Variants in GM2A observed in about 807,000 individuals in gnomAD.
GM2A encodes GM2 ganglioside activator.
GM2A carries 7 observed loss-of-function variants against 12.9 expected under a neutral mutation model. The observed-to-expected ratio is 0.54, with a 90% CI of 0.31 to 1.02. The LOEUF (loss-of-function observed/expected upper bound fraction) is 1.02, where lower values mean the gene tolerates loss of function less well. Ranked by LOEUF, GM2A falls within the 50% of genes least tolerant of loss-of-function variation. GM2A has a pLI of 0.05. For synonymous variants in GM2A, 101 were observed against 96.0 expected (o/e 1.05, Z -0.30); for missense variants, 246 against 241.0 (o/e 1.02, Z -0.14).
chr5:151,258,030 C>A (rs1394019609), intron 1 of GM2A, among the ~76,000 whole-genome samples: 4 of 152,346 alleles, frequency 2.6e-5, no homozygotes, highest in African/African-American at 9.6e-5. Flanking sequence ...CAGCACTTAG[C>A]CCAGGGCCTA....
In GM2A at chr5:151,259,917, G is replaced by A. The variant is rs1479641621; in HGVS notation, c.243+1G>A. On this transcript the variant is annotated splice_donor_variant, in intron 2 of 3. Coordinates refer to ENST00000357164, the MANE Select transcript of GM2A (RefSeq NM_000405.5). LOFTEE classifies it high-confidence loss of function. ...TGTCCCCCTGAGTTCTCCTCTGAAGGTGAGCCTGGGGGTGGGTGGAGAAGG... is the reference window on the plus strand; with the variant it reads ...TGTCCCCCTGAGTTCTCCTCTGAAGATGAGCCTGGGGGTGGGTGGAGAAGG... 1 of 1,612,734 alleles carries A rather than the reference G, an allele frequency of 6.2e-7. No individual in the cohort carries two copies. The highest frequency in any genetic ancestry group is 2.2e-5 in the East Asian group (1 of 44,860).
At chr5:151,264,215 C>T (rs1381063014) in intron 2 of GM2A, among the ~76,000 whole-genome samples, 1 of 152,244 alleles carries the variant, frequency 6.6e-6, no homozygotes, top group Non-Finnish European at 1.5e-5. Flanking sequence ...CTCCACCCTG[C>T]TTCCTTTTCT....
In GM2A at chr5:151,267,541, G is replaced by GC. The variant is rs1164916817; in HGVS notation, c.*96dup. On this transcript the variant is annotated 3_prime_UTR_variant, in exon 4 of 4. Coordinates refer to ENST00000357164, the MANE Select transcript of GM2A (RefSeq NM_000405.5). The stretch of plus-strand genomic sequence containing the variant: ...TGCCAAGGCCAAACTCCCACTCTCT[G>GC]CCCCCCTTTAATCCCCTTTCTACAG... 6 of 1,587,664 alleles carry GC rather than the reference G, an allele frequency of 3.8e-6. No individual in the cohort carries two copies. In the Admixed American group the frequency reaches 5.4e-5, roughly 14 times the overall value.
At chr5:151,265,124 G>T (rs1466518714) in intron 2 of GM2A, among the ~76,000 whole-genome samples, 1 of 152,148 alleles carries the variant, frequency 6.6e-6, no homozygotes, top group Non-Finnish European at 1.5e-5. Flanking sequence ...GTAGAAGCAG[G>T]TTTGATGAGA....
intron 2 of GM2A, among the ~76,000 whole-genome samples, chr5:151,262,263 A>G (rs1264840167): frequency 6.6e-6 from 1 of 152,208 alleles, no homozygotes; most frequent in Admixed American, 6.5e-5. Context: ...ATGCTCCTCT[A>G]TGCCCTTCAG....
At position 151,267,879 on chromosome 5, in the gene GM2A, G is replaced by T; in HGVS notation, c.*428G>T. The T allele has an allele frequency of 8.7e-7, 1 of 1,148,598 alleles. No homozygotes were observed. Among genetic ancestry groups the T allele is most frequent in the Non-Finnish European group, 1.1e-6 (1 of 922,974 alleles). 71.2% of individuals were successfully genotyped at this position (1,148,598 alleles called of 1,614,324 possible). On this transcript the variant is annotated 3_prime_UTR_variant, in exon 4 of 4. Coordinates refer to ENST00000357164, the MANE Select transcript of GM2A (RefSeq NM_000405.5). Reference sequence around the variant, plus strand: ...GTATTAACGTTTTTGTTCTCCTCCGGCCCCCTGTTACAATGAAGGGGCAAA... The same window carrying T: ...GTATTAACGTTTTTGTTCTCCTCCGTCCCCCTGTTACAATGAAGGGGCAAA...
At chr5:151,259,367 A>G (rs919520763) in intron 1 of GM2A, among the ~76,000 whole-genome samples, 21 of 152,310 alleles carry the variant, frequency 1.4e-4, no homozygotes, top group African/African-American at 4.6e-4. Context: ...TGAATCCTCC[A>G]GGAGCTTGCC....
chr5:151,260,554 G>T (rs1293448868), intron 2 of GM2A, among the ~76,000 whole-genome samples: 2 of 152,178 alleles, frequency 1.3e-5, no homozygotes, highest in East Asian at 3.8e-4. Flanking sequence ...AGAGGCAGAG[G>T]TTGCAGAAAG....
Position 151,268,971 on chromosome 5 carries a change from G to A in GM2A, c.*1520G>A. ...GCTCTTCCAGTGCTAGGAGAGGTAT[G>A]AGCAGCCTCTCACCTGTGAGCTGTG... On this transcript the variant is annotated 3_prime_UTR_variant, in exon 4 of 4. Transcript: ENST00000357164. 2 of 985,418 alleles carry A rather than the reference G, an allele frequency of 2.0e-6. No homozygotes were observed. Among genetic ancestry groups the A allele is most frequent in the Non-Finnish European group, 2.4e-6 (2 of 829,928 alleles). 61.0% of individuals were successfully genotyped at this position (985,418 alleles called of 1,614,324 possible). A position where few individuals can be genotyped will look rare whatever the true frequency, so the allele number is the denominator to read the frequency against.
chr5:151,253,631 AC>A (rs1328301325), intron 1 of GM2A, among the ~76,000 whole-genome samples: 2 of 150,138 alleles, frequency 1.3e-5, no homozygotes, highest in African/African-American at 4.9e-5. Context: ...CTTACTCCTG[AC>A]CCCCACTCCT....
chr5:151,269,035 T>C lies in GM2A; in HGVS notation c.*1584T>C. On this transcript the variant is annotated 3_prime_UTR_variant, in exon 4 of 4. Coordinates refer to ENST00000357164, the MANE Select transcript of GM2A (RefSeq NM_000405.5). Reference sequence around the variant, plus strand: ...TGCCTGCCTCAGTCTTGGAGTCCTGTTGGGTGAATGAGGCAGATGGGAAAG... The same window carrying C: ...TGCCTGCCTCAGTCTTGGAGTCCTGCTGGGTGAATGAGGCAGATGGGAAAG... 1 of 985,448 alleles carries C rather than the reference T, an allele frequency of 1.0e-6. No individual in the cohort carries two copies. Among genetic ancestry groups the C allele is most frequent in the South Asian group, 4.7e-5 (1 of 21,288 alleles). The allele number at this position is 985,448 out of a possible 1,614,324, so 61.0% of individuals were successfully genotyped here.
chr5:151,254,787 A>G (rs534424121), intron 1 of GM2A, among the ~76,000 whole-genome samples: 26 of 152,304 alleles, frequency 1.7e-4, no homozygotes, highest in African/African-American at 6.0e-4. Context: ...TGAATGTCTC[A>G]TGTGATTTAC....
In GM2A at chr5:151,267,616, G is replaced by T. The variant is rs369948657; in HGVS notation, c.*165G>T. ...TCATTTTGTACCACTTACATTTTAGGCTGGGGCAAGCAGCCCTGACCTAAG... is the reference window on the plus strand; with the variant it reads ...TCATTTTGTACCACTTACATTTTAGTCTGGGGCAAGCAGCCCTGACCTAAG... On this transcript the variant is annotated 3_prime_UTR_variant, in exon 4 of 4. Transcript: ENST00000357164. 2.0e-5 allele frequency: 30 copies of T among 1,525,132 alleles called. No homozygotes were observed. In the African/African-American group the frequency reaches 2.6e-4, roughly 13 times the overall value. 94.5% of individuals were successfully genotyped at this position (1,525,132 alleles called of 1,614,324 possible).
intron 2 of GM2A, among the ~76,000 whole-genome samples, chr5:151,262,171 C>T (rs1753810321): frequency 6.6e-6 from 1 of 152,174 alleles, no homozygotes; most frequent in African/African-American, 2.4e-5. Context: ...TCTTAGAAAA[C>T]AATGAAGACT....
In GM2A at chr5:151,270,212, G is replaced by A; in HGVS notation, c.*2761G>A. ...GGAAAGCCCCTTGGAGAAAGTTGAA[G>A]TTAGACCTGTACTTCACACCATATG... On this transcript the variant is annotated 3_prime_UTR_variant, in exon 4 of 4. Coordinates refer to ENST00000357164, the MANE Select transcript of GM2A (RefSeq NM_000405.5). The A allele has an allele frequency of 2.8e-6, 2 of 727,112 alleles. No homozygotes were observed. The highest frequency in any genetic ancestry group is 3.8e-6 in the Non-Finnish European group (2 of 526,616). The allele number at this position is 727,112 out of a possible 1,614,324, so 45.0% of individuals were successfully genotyped here.
chr5:151,256,397 G>C (rs937941846), intron 1 of GM2A, among the ~76,000 whole-genome samples: 1 of 152,114 alleles, frequency 6.6e-6, no homozygotes, highest in African/African-American at 2.4e-5. Flanking sequence ...CCAGGAGTTT[G>C]AGACCAACCT....
intron 1 of GM2A, among the ~76,000 whole-genome samples, chr5:151,258,315 G>A (rs1471489796): frequency 6.6e-6 from 1 of 152,196 alleles, no homozygotes; most frequent in African/African-American, 2.4e-5. Context: ...TTACATACAC[G>A]CTCTCGCCCT....
chr5:151,259,476 G>A (rs1753751778), intron 1 of GM2A, among the ~76,000 whole-genome samples: 1 of 152,168 alleles, frequency 6.6e-6, no homozygotes, highest in Admixed American at 6.5e-5. Context: ...TCAGTCTCCT[G>A]TTTGGAAGTT....
chr5:151,254,275 A>C (rs1753642928), intron 1 of GM2A, among the ~76,000 whole-genome samples: 1 of 152,164 alleles, frequency 6.6e-6, no homozygotes, highest in Admixed American at 6.5e-5. Flanking sequence ...ATATACCCAG[A>C]AGTGGGATAA....
Sources: gnomAD v4.1 joint callset for allele counts (sites outside exome capture counted in the v4.1 genomes callset) on GRCh38, gnomAD v4.1.1 for gene constraint, MANE v1.5 for transcripts, NCBI Gene and HGNC (gene_info 2026-07-23, HGNC 2026-07-21) for gene names.